CUL2: variants seen among roughly 807,000 people sequenced by gnomAD.
CUL2 encodes cullin-2.
CUL2 carries 22 observed loss-of-function variants against 110.2 expected under a neutral mutation model. The ratio of observed to expected loss-of-function variants is 0.20; its 90% CI spans 0.14 to 0.28. The LOEUF (loss-of-function observed/expected upper bound fraction) is 0.28. Among genes scored for constraint, CUL2 ranks in the 10% least tolerant of loss-of-function variants. The pLI is 1.00. For missense variants in CUL2, 631 were observed against 905.5 expected (o/e 0.70, Z 3.89); for synonymous variants, 279 against 293.2 (o/e 0.95, Z 0.49).
intron 1 of CUL2, among the ~76,000 whole-genome samples, chr10:35,123,713 G>T (rs1476944834): frequency 6.6e-6 from 1 of 152,104 alleles, no homozygotes; most frequent in African/African-American, 2.4e-5. Context: ...TCAAGATTCA[G>T]GTATGAAAGG....
chr10:35,103,583 A>G (rs1334829272), intron 1 of CUL2, among the ~76,000 whole-genome samples: 1 of 151,862 alleles, frequency 6.6e-6, no homozygotes, highest in Non-Finnish European at 1.5e-5. Context: ...TCGGCCTCCC[A>G]AAGTGCTGGG....
intron 17 of CUL2, among the ~76,000 whole-genome samples, chr10:35,018,502 G>A (rs1233369066): frequency 6.6e-6 from 1 of 151,754 alleles, no homozygotes; most frequent in Admixed American, 6.6e-5. Flanking sequence ...AGTGGCTCAC[G>A]CCTGTAATCC....
At chr10:35,063,186 T>C (rs2086427231) in intron 2 of CUL2, 124 bp from the exon 3 acceptor site, 2 of 594,974 alleles carry the variant, frequency 3.4e-6, no homozygotes, top group Admixed American at 3.1e-5. Context: ...ATAATATACA[T>C]AATACTGTTG....
intron 20 of CUL2, among the ~76,000 whole-genome samples, chr10:35,010,709 C>G (rs532443028): frequency 6.6e-6 from 1 of 152,370 alleles, no homozygotes; most frequent in East Asian, 1.9e-4. Context: ...GCTCTTAGTT[C>G]AAACACTTTC....
chr10:35,057,928 T>C (rs1238231086), intron 4 of CUL2, among the ~76,000 whole-genome samples: 1 of 151,574 alleles, frequency 6.6e-6, no homozygotes, highest in Non-Finnish European at 1.5e-5. Context: ...ACCCCATCTC[T>C]ACTAAAAAAA....
chr10:35,087,575 CCCATA>C (rs1421453546), intron 1 of CUL2, among the ~76,000 whole-genome samples: 5 of 152,124 alleles, frequency 3.3e-5, no homozygotes, highest in African/African-American at 9.7e-5. Flanking sequence ...CCAACCCCAT[CCCATA>C]CAACAGCCTG....
intron 4 of CUL2, among the ~76,000 whole-genome samples, chr10:35,057,903 G>A (rs1200053652): frequency 3.3e-5 from 5 of 151,852 alleles, no homozygotes; most frequent in Non-Finnish European, 7.4e-5. Flanking sequence ...AGACCATCCT[G>A]GCCAACATGG....
intron 1 of CUL2, among the ~76,000 whole-genome samples, chr10:35,118,936 G>A (rs767682724): frequency 8.5e-5 from 13 of 152,228 alleles, no homozygotes; most frequent in Admixed American, 2.0e-4. Context: ...CTGATGGAGA[G>A]GTAAAGGGAA....
chr10:35,078,686 G>T (rs1447096995), intron 1 of CUL2, among the ~76,000 whole-genome samples: 1 of 152,154 alleles, frequency 6.6e-6, no homozygotes, highest in African/African-American at 2.4e-5. Flanking sequence ...GCAGGTAAAA[G>T]TTACAGTATC....
chr10:35,061,113 A>G, intron 3 of CUL2, 145 bp from the exon 4 acceptor site: 1 of 868,600 alleles, frequency 1.2e-6, no homozygotes, highest in East Asian at 2.7e-5. Flanking sequence ...TATTAACTAC[A>G]CGTATTAAAA....
chr10:35,106,601 G>A (rs1438619953), intron 1 of CUL2, among the ~76,000 whole-genome samples: 2 of 151,800 alleles, frequency 1.3e-5, no homozygotes, highest in African/African-American at 4.8e-5. Context: ...CAAAGTGCTG[G>A]GATTACAGGT....
intron 1 of CUL2, among the ~76,000 whole-genome samples, chr10:35,071,609 T>C (rs552936585): frequency 1.8e-3 from 276 of 152,258 alleles, no homozygotes; most frequent in Non-Finnish European, 2.7e-3. Flanking sequence ...GGGGTTTCAC[T>C]GTGTTAGCCA....
At chr10:35,039,538 G>A (rs1934495449) in intron 8 of CUL2, among the ~76,000 whole-genome samples, 2 of 152,196 alleles carry the variant, frequency 1.3e-5, no homozygotes, top group Admixed American at 1.3e-4. Flanking sequence ...GTGCATGATA[G>A]TTAACTACCA....
chr10:35,066,355 G>A (rs1300842037), intron 2 of CUL2, among the ~76,000 whole-genome samples: 3 of 151,774 alleles, frequency 2.0e-5, no homozygotes, highest in East Asian at 1.9e-4. Context: ...CAGGCAGTGC[G>A]GTGGCGTGAT....
At position 35,016,301 on chromosome 10, in the gene CUL2, G is replaced by A. The variant is rs967241556; in HGVS notation, c.1778C>T (p.Thr593Ile). 5.0e-6 allele frequency: 8 copies of A among 1,613,890 alleles called. No homozygotes were observed. The African/African-American group carries it at 5.3e-5, about 11-fold the overall frequency. The change falls in exon 18 of 21, where the codon ACT (threonine) becomes ATT (isoleucine). Residue 593 changes from threonine (T) to isoleucine (I), a missense_variant. Transcript: ENST00000374749. ...GTCCTGAAGCTCTTTATAACTGACA[G>A]TTTCACTGTTGTTAAAGGCAAGAAG... ...AVLLAFNNSETVSYKELQDST... is the reference protein window; with the variant it reads ...AVLLAFNNSEIVSYKELQDST...
chr10:35,076,968 C>T (rs569639023), intron 1 of CUL2, among the ~76,000 whole-genome samples: 4 of 152,100 alleles, frequency 2.6e-5, no homozygotes, highest in South Asian at 4.2e-4. Flanking sequence ...AGGAGAATGG[C>T]GTGAACCCAG....
At chr10:35,072,368 T>C (rs1283997941) in intron 1 of CUL2, among the ~76,000 whole-genome samples, 3 of 147,646 alleles carry the variant, frequency 2.0e-5, no homozygotes, top group Non-Finnish European at 1.5e-5. Context: ...GTGAACTTAA[T>C]GGGCTTTTTT....
intron 3 of CUL2, among the ~76,000 whole-genome samples, chr10:35,061,812 T>C (rs567452598): frequency 8.9e-4 from 134 of 151,308 alleles, no homozygotes; most frequent in African/African-American, 3.0e-3. Flanking sequence ...CTCACTATAT[T>C]GCCCAGGCTG....
chr10:35,037,561 C>A (rs1166224264), intron 9 of CUL2, among the ~76,000 whole-genome samples: 6 of 152,072 alleles, frequency 3.9e-5, no homozygotes, highest in Admixed American at 3.3e-4. Flanking sequence ...GTAAAAAACA[C>A]GGGGCCAAGG....
Sources: allele counts gnomAD v4.1 joint callset (sites outside exome capture counted in the v4.1 genomes callset), GRCh38; gene constraint gnomAD v4.1.1; transcripts MANE v1.5; gene names NCBI Gene and HGNC (gene_info 2026-07-23, HGNC 2026-07-21).